Variants in CFAP47 observed in about 807,000 individuals in gnomAD.
CFAP47 encodes the protein cilia- and flagella-associated protein 47.
A neutral mutation model predicts 148.1 loss-of-function variants in CFAP47; 29 were observed. The observed-to-expected ratio is 0.20, with a 90% CI of 0.15 to 0.27. The LOEUF (loss-of-function observed/expected upper bound fraction) is 0.27. Ranked by LOEUF, CFAP47 falls within the 10% of genes least tolerant of loss-of-function variation. The pLI, the probability that CFAP47 is intolerant of heterozygous loss-of-function variation, is 1.00. For missense variants in CFAP47, 1,872 were observed against 1,697.5 expected (o/e 1.10, Z -1.81); for synonymous variants, 664 against 577.3 (o/e 1.15, Z -2.15).
intron 15 of CFAP47, chrX:35,985,945 A>T: frequency 2.9e-6 from 1 of 339,053 alleles, no homozygotes; most frequent in Non-Finnish European, 5.7e-6. Flanking sequence ...TGATTCTCTC[A>T]GTTAAATACA....
intron 49 of CFAP47, among the ~76,000 whole-genome samples, chrX:36,270,549 G>GTATATATATATATATATATATA (rs782687841): frequency 6.3e-5 from 6 of 95,519 alleles, no homozygotes; most frequent in African/African-American, 2.3e-4. Context: ...TTTAAAATTT[G>GTATATATATATATATATATATA]TATATATATA....
intron 40 of CFAP47, among the ~76,000 whole-genome samples, chrX:36,180,191 C>T (rs1939733737): frequency 9.0e-6 from 1 of 111,502 alleles, no homozygotes; most frequent in Non-Finnish European, 1.9e-5. Context: ...ATTCTACCTA[C>T]TTTATGAGGG....
At chrX:36,289,838 A>T (rs1328182236) in intron 51 of CFAP47, among the ~76,000 whole-genome samples, 3 of 111,922 alleles carry the variant, frequency 2.7e-5, no homozygotes, top group Admixed American at 9.5e-5. Flanking sequence ...TTTCACTTCA[A>T]CCGAGAGTGG....
rs188047464 is a variant in CFAP47, at chrX:36,219,520, A to G, written c.6818-9108A>G. 7.4e-3 allele frequency among the ~76,000 whole-genome samples: 822 copies of G among 111,116 alleles called. 8 individuals are homozygous for G. The highest frequency in any genetic ancestry group is 0.025 in the African/African-American group (778 of 30,565). ...TTTTGGCTGTAATATTATTGGTGGG[A>G]CAAGAGTTTATTGTGAAAGGAAACT... is the stretch of plus-strand genomic sequence containing the variant. On this transcript the variant is annotated intron_variant, in intron 45 of 63. Transcript: ENST00000378653.
intron 62 of CFAP47, among the ~76,000 whole-genome samples, chrX:36,369,756 G>A (rs987303079): frequency 1.4e-4 from 16 of 111,111 alleles, no homozygotes; most frequent in East Asian, 1.4e-3. Flanking sequence ...AGAGAAGCAC[G>A]TAGAAGATGC....
intron 62 of CFAP47, among the ~76,000 whole-genome samples, chrX:36,372,038 GTGTA>G (rs1941975832): frequency 9.7e-6 from 1 of 103,103 alleles, no homozygotes; most frequent in African/African-American, 3.6e-5. Context: ...ATATGTGTGT[GTGTA>G]TATATATATA....
At chrX:36,287,477 A>G (rs1941145860) in intron 51 of CFAP47, among the ~76,000 whole-genome samples, 1 of 111,925 alleles carries the variant, frequency 8.9e-6, no homozygotes, top group Non-Finnish European at 1.9e-5. Context: ...TTTCATAAAT[A>G]TACTTAAATG....
Position 36,200,463 on chromosome X carries a change from C to A in CFAP47, c.6406C>A (p.Pro2136Thr). The A allele has an allele frequency of 3.4e-6, 1 of 296,912 alleles. No individual in the cohort carries two copies. The highest frequency in any genetic ancestry group is 5.9e-6 in the Non-Finnish European group (1 of 169,750). The allele number at this position is 296,912 out of a possible 1,213,427, so 24.5% of individuals were successfully genotyped here. ...SCLPMNTSSS[P>T]VYYSTTREEG... The stretch of plus-strand genomic sequence containing the variant: ...CCTTCCAATGAATACGTCTTCAAGT[C>A]CAGTTTATTACAGCACTACTCGAGA... The change falls in exon 43 of 64, where the codon CCA becomes ACA. Residue 2136 changes from proline (P) to threonine (T), a missense_variant. Coordinates refer to ENST00000378653, the MANE Select transcript of CFAP47 (RefSeq NM_001304548.2).
At position 36,280,419 on chromosome X, in the gene CFAP47, G is replaced by A; in HGVS notation, c.7445-68G>A. The stretch of plus-strand genomic sequence containing the variant: ...TTAAGCTAGAGTAACTTTAATATCT[G>A]TAGCTTACCTTTTGTTTCAGAAAAC... On this transcript the variant is annotated intron_variant, in intron 49 of 63. Coordinates refer to ENST00000378653, the MANE Select transcript of CFAP47 (RefSeq NM_001304548.2). The A allele has an allele frequency of 7.4e-6, 3 of 404,665 alleles. No individual in the cohort carries two copies. In the South Asian group the frequency reaches 1.5e-4, roughly 20 times the overall value. The allele number at this position is 404,665 out of a possible 1,213,427, so 33.3% of individuals were successfully genotyped here. A position where few individuals can be genotyped will look rare whatever the true frequency, so the allele number is the denominator to read the frequency against.
intron 40 of CFAP47, among the ~76,000 whole-genome samples, chrX:36,180,197 G>A (rs1473530185): frequency 3.6e-5 from 4 of 111,521 alleles, no homozygotes; most frequent in Non-Finnish European, 7.5e-5. Flanking sequence ...CCTACTTTAT[G>A]AGGGCTATAT....
At position 36,286,620 on chromosome X, in the gene CFAP47, A is replaced by G. The variant is rs183516823; in HGVS notation, c.7686+894A>G. Reference sequence around the variant, plus strand: ...TATGACAGTAGGATCATTTCACTCAATGAAAATGTCTTATTTCTGTGAATT... The same window carrying G: ...TATGACAGTAGGATCATTTCACTCAGTGAAAATGTCTTATTTCTGTGAATT... On this transcript the variant is annotated intron_variant, in intron 51 of 63. Transcript: ENST00000378653. 1.5e-3 allele frequency among the ~76,000 whole-genome samples: 163 copies of G among 111,332 alleles called. 1 individual carries two copies. Among genetic ancestry groups the G allele is most frequent in the African/African-American group, 5.2e-3 (159 of 30,826 alleles).
intron 57 of CFAP47, among the ~76,000 whole-genome samples, chrX:36,322,404 T>C (rs1356770313): frequency 8.1e-5 from 9 of 111,181 alleles, no homozygotes; most frequent in African/African-American, 2.9e-4. Flanking sequence ...ATCTTTATAG[T>C]ATTTAAACTT....
intron 48 of CFAP47, among the ~76,000 whole-genome samples, chrX:36,241,437 C>T (rs782576584): frequency 8.9e-5 from 10 of 111,793 alleles, no homozygotes; most frequent in South Asian, 3.8e-4. Flanking sequence ...TTATTCTGTA[C>T]GCCCTACTGC....
Position 36,204,978 on chromosome X carries a change from T to C in CFAP47, c.6685T>C (p.Ser2229Pro). 1 of 297,364 alleles carries C rather than the reference T, an allele frequency of 3.4e-6. No individual in the cohort carries two copies. The allele number at this position is 297,364 out of a possible 1,213,427, so 24.5% of individuals were successfully genotyped here. A position where few individuals can be genotyped will look rare whatever the true frequency, so the allele number is the denominator to read the frequency against. Reference protein sequence around the residue: ...KIETLMLFRISKLRKPKTVSY... With the variant: ...KIETLMLFRIPKLRKPKTVSY... ...ACAGACTCTTATGCTCTTTCGTATC[T>C]CAAAGTTGAGGAAGCCTAAGACCGT... Residue 2229 changes from serine (S) to proline (P), a missense_variant, in exon 45 of 64, where the codon TCA becomes CCA. Coordinates refer to ENST00000378653, the MANE Select transcript of CFAP47 (RefSeq NM_001304548.2).
chrX:35,965,320 G>A (rs974504858), intron 8 of CFAP47, among the ~76,000 whole-genome samples: 2 of 111,118 alleles, frequency 1.8e-5, no homozygotes, highest in African/African-American at 6.5e-5. Flanking sequence ...TAAGTATGTT[G>A]GGGCATGTCT....
intron 1 of CFAP47, among the ~76,000 whole-genome samples, chrX:35,923,006 A>T (rs780504397): frequency 9.0e-6 from 1 of 111,522 alleles, no homozygotes; most frequent in South Asian, 3.7e-4. Context: ...TTTCTAGCCC[A>T]CAATAATCAT....
chrX:35,971,630 C>T lies in CFAP47; in HGVS notation c.2015C>T (p.Pro672Leu), dbSNP rs753573959. ...GATGATACAGACATAGGCTTAGAGC[C>T]AGGATCAGGTCTAAAGTCACCCTCA... ...SYDDTDIGLE[P>L]GSGLKSPSLS... Residue 672 changes from proline to leucine, a missense_variant, in exon 12 of 64, where the codon CCA (proline) becomes CTA (leucine). Pro to Leu is a moderately conservative substitution (Grantham distance 98). Coordinates refer to ENST00000378653, the MANE Select transcript of CFAP47 (RefSeq NM_001304548.2). 28 of 1,197,201 alleles carry T rather than the reference C, an allele frequency of 2.3e-5. No homozygotes were observed. The South Asian group carries it at 4.7e-4, about 20-fold the overall frequency.
chrX:36,161,328 G>T (rs1702486530), intron 39 of CFAP47, among the ~76,000 whole-genome samples: 1 of 111,069 alleles, frequency 9.0e-6, no homozygotes, highest in African/African-American at 3.3e-5. Context: ...GAAATTCAGT[G>T]TTCTTTCAAT....
intron 49 of CFAP47, among the ~76,000 whole-genome samples, chrX:36,253,574 G>A (rs1024925632): frequency 4.5e-5 from 5 of 111,369 alleles, no homozygotes; most frequent in Middle Eastern, 4.6e-3. Flanking sequence ...GTGTACGCAC[G>A]TGTGTTATGT....
Sources: gnomAD v4.1 joint callset for allele counts (sites outside exome capture counted in the v4.1 genomes callset) on GRCh38, gnomAD v4.1.1 for gene constraint, MANE v1.5 for transcripts, NCBI Gene and HGNC (gene_info 2026-07-23, HGNC 2026-07-21) for gene names.